Variants in NDFIP1 observed in about 807,000 individuals in gnomAD.
NDFIP1 encodes NEDD4 family-interacting protein 1.
In NDFIP1, 7 loss-of-function variants were observed where a neutral mutation model predicts 28.8. The ratio of observed to expected loss-of-function variants is 0.24; its 90% CI spans 0.14 to 0.46. The LOEUF (loss-of-function observed/expected upper bound fraction) is 0.46. Ranked by LOEUF, NDFIP1 falls within the 20% of genes least tolerant of loss-of-function variation. NDFIP1 has a pLI of 0.99. For synonymous variants in NDFIP1, 92 were observed against 101.0 expected (o/e 0.91, Z 0.53); for missense variants, 194 against 269.1 (o/e 0.72, Z 1.95).
chr5:142,122,206 G>A (rs1835965), intron 1 of NDFIP1, among the ~76,000 whole-genome samples: 102,244 of 152,058 alleles, frequency 0.67, 34,677 homozygotes, highest in African/African-American at 0.77. Context: ...CTCTCCTCCC[G>A]GGACATACTC....
chr5:142,130,963 T>A (rs536002425), intron 1 of NDFIP1, among the ~76,000 whole-genome samples: 1 of 152,254 alleles, frequency 6.6e-6, no homozygotes, highest in East Asian at 1.9e-4. Context: ...AATTTAATTT[T>A]TTTTTTTTTA....
In NDFIP1 at chr5:142,108,997, T is replaced by C. The variant is rs1756982460; in HGVS notation, c.23T>C (p.Leu8Pro). The change falls in exon 1 of 8, where the codon CTG becomes CCG. Residue 8 changes from leucine to proline, a missense_variant. Leu to Pro is a moderately conservative substitution (Grantham distance 98, BLOSUM62 -3). Coordinates refer to ENST00000253814, the MANE Select transcript of NDFIP1 (RefSeq NM_030571.4). ...GCCATGGCGTTGGCGTTGGCGGCGC[T>C]GGCGGCGGTCGAGCCGGCCTGCGGC... MALALAA[L>P]AAVEPACGSR... 2.1e-6 allele frequency: 3 copies of C among 1,443,978 alleles called. No individual in the cohort carries two copies. The highest frequency in any genetic ancestry group is 3.0e-5 in the African/African-American group (2 of 67,648). The allele number at this position is 1,443,978 out of a possible 1,614,324, so 89.4% of individuals were successfully genotyped here.
At chr5:142,135,699 C>T (rs780142487) in intron 3 of NDFIP1, 31 bp from the exon 4 acceptor site, 1 of 1,581,956 alleles carries the variant, frequency 6.3e-7, no homozygotes, top group South Asian at 1.1e-5. Context: ...CTTCCCTTTG[C>T]CTAGAAATAA....
At chr5:142,133,599 A>T (rs1362053883) in intron 3 of NDFIP1, among the ~76,000 whole-genome samples, 1 of 152,230 alleles carries the variant, frequency 6.6e-6, no homozygotes, top group Non-Finnish European at 1.5e-5. Context: ...GTTGCAATAT[A>T]TGGTAAATAG....
intron 6 of NDFIP1, among the ~76,000 whole-genome samples, chr5:142,142,121 C>T (rs929911440): frequency 3.3e-5 from 5 of 152,000 alleles, no homozygotes; most frequent in African/African-American, 1.2e-4. Flanking sequence ...TGGGTGACAG[C>T]AAGACAGTGT....
intron 5 of NDFIP1, 67 bp from the exon 6 acceptor site, chr5:142,140,496 A>G: frequency 8.0e-7 from 1 of 1,243,712 alleles, no homozygotes; most frequent in Non-Finnish European, 1.1e-6. Flanking sequence ...GATTTTGTGT[A>G]CCCTTAAGTT....
chr5:142,132,000 A>C (rs1757232954), intron 2 of NDFIP1, 105 bp downstream of exon 2: 1 of 1,207,798 alleles, frequency 8.3e-7, no homozygotes, highest in African/African-American at 1.5e-5. Context: ...AAGAAAGGTT[A>C]CAAAGCAAGT....
chr5:142,129,032 C>T (rs1290425355), intron 1 of NDFIP1, among the ~76,000 whole-genome samples: 1 of 152,140 alleles, frequency 6.6e-6, no homozygotes, highest in Non-Finnish European at 1.5e-5. Flanking sequence ...CTTTCTGAGA[C>T]CTAAATTATG....
intron 1 of NDFIP1, among the ~76,000 whole-genome samples, chr5:142,126,821 C>G (rs1757172963): frequency 6.6e-6 from 1 of 152,102 alleles, no homozygotes. Context: ...ATTGGGAACT[C>G]AAATAATAGT....
rs56227585 is a variant in NDFIP1 at position 142,137,070 on chromosome 5, C to CA, written c.371-642dup. On this transcript the variant is annotated intron_variant, in intron 4 of 7. Transcript: ENST00000253814. ...TGGGTGACAGAGTGAGACTCAGTCTCAAAAAAAAAAAAAAAAAAAAAAGCA... is the reference window on the plus strand; with the variant it reads ...TGGGTGACAGAGTGAGACTCAGTCTCAAAAAAAAAAAAAAAAAAAAAAAGCA... Among the ~76,000 whole-genome samples, 528 of 94,810 alleles carry CA rather than the reference C, an allele frequency of 5.6e-3. 6 individuals carry two copies. Among genetic ancestry groups the CA allele is most frequent in the African/African-American group, 0.01 (260 of 24,764 alleles). The allele number at this position is 94,810 out of a possible 152,430, so 62.2% of individuals were successfully genotyped here.
intron 6 of NDFIP1, among the ~76,000 whole-genome samples, chr5:142,141,422 C>T (rs142280236): frequency 0.093 from 14,088 of 151,738 alleles, 799 homozygotes; most frequent in African/African-American, 0.16. Flanking sequence ...GTGATCCGCC[C>T]GCCTCGGCCT....
At chr5:142,143,723 G>T (rs1757359204) in intron 6 of NDFIP1, 1 of 152,118 alleles carries the variant, frequency 6.6e-6, no homozygotes, top group African/African-American at 2.4e-5. Context: ...GAAATAGGCT[G>T]GGTACAGTGG....
intron 3 of NDFIP1, among the ~76,000 whole-genome samples, chr5:142,134,595 G>A (rs1757256331): frequency 6.6e-6 from 1 of 152,146 alleles, no homozygotes; most frequent in Non-Finnish European, 1.5e-5. Flanking sequence ...ACCCTTTTCT[G>A]TGTACAACAA....
intron 7 of NDFIP1, among the ~76,000 whole-genome samples, chr5:142,148,479 A>G (rs1757413285): frequency 6.6e-6 from 1 of 152,122 alleles, no homozygotes; most frequent in Non-Finnish European, 1.5e-5. Flanking sequence ...GGCCGGGCGC[A>G]GTGGCTCACG....
rs1323179213 is a variant in NDFIP1, at chr5:142,108,842, C to T, written c.-133C>T. 2 of 677,822 alleles carry T rather than the reference C, an allele frequency of 3.0e-6. No homozygotes were observed. Among genetic ancestry groups the T allele is most frequent in the Non-Finnish European group, 4.3e-6 (2 of 464,620 alleles). The allele number at this position is 677,822 out of a possible 1,614,324, so 42.0% of individuals were successfully genotyped here. On this transcript the variant is annotated 5_prime_UTR_variant, in exon 1 of 8. Coordinates refer to ENST00000253814, the MANE Select transcript of NDFIP1 (RefSeq NM_030571.4). Reference sequence around the variant, plus strand: ...TACAGCCTGAGAAGAGCGTCTCGCCCGGGAGCGGCGGCGGCCATCGAGACC... The same window carrying T: ...TACAGCCTGAGAAGAGCGTCTCGCCTGGGAGCGGCGGCGGCCATCGAGACC...
intron 1 of NDFIP1, among the ~76,000 whole-genome samples, chr5:142,126,317 A>G (rs2126915226): frequency 6.6e-6 from 1 of 152,356 alleles, no homozygotes; most frequent in South Asian, 2.1e-4. Context: ...ACTCTAAGAT[A>G]GAAGTAGTAA....
intron 6 of NDFIP1, 103 bp from the exon 7 acceptor site, chr5:142,144,468 A>G (rs1757367736): frequency 1.2e-6 from 1 of 826,762 alleles, no homozygotes; most frequent in Admixed American, 2.3e-5. Flanking sequence ...GATTACCTTT[A>G]GCAGAAAAAT....
chr5:142,132,363 T>TA (rs1313329707), intron 3 of NDFIP1, 21 bp downstream of exon 3: 7 of 1,604,252 alleles, frequency 4.4e-6, no homozygotes, highest in Non-Finnish European at 5.9e-6. Context: ...TTTGCCATGT[T>TA]ACTTGATGGC....
At position 142,131,875 on chromosome 5, in the gene NDFIP1, G is replaced by A; in HGVS notation, c.131G>A (p.Ser44Asn). ...GGTGATGCTCCTCCACCTTACAGCA[G>A]CATTTCTGCAGAGAGCGCAGGTAGG... is the stretch of plus-strand genomic sequence containing the variant. ...AAGDAPPPYS[S>N]ISAESAAYFD... The change falls in exon 2 of 8, where the codon AGC (serine) becomes AAC (asparagine). Residue 44 changes from serine to asparagine, a missense_variant. Transcript: ENST00000253814. 1 of 1,601,974 alleles carries A rather than the reference G, an allele frequency of 6.2e-7. No individual in the cohort carries two copies. Among genetic ancestry groups the A allele is most frequent in the Non-Finnish European group, 8.5e-7 (1 of 1,176,470 alleles).
Sources: gnomAD v4.1 joint callset for allele counts (sites outside exome capture counted in the v4.1 genomes callset) on GRCh38, gnomAD v4.1.1 for gene constraint, MANE v1.5 for transcripts, NCBI Gene and HGNC (gene_info 2026-07-23, HGNC 2026-07-21) for gene names.